Variants in TPM3 observed in about 807,000 individuals in gnomAD.
The protein encoded by TPM3 is tropomyosin alpha-3 chain.
A neutral mutation model predicts 43.1 loss-of-function variants in TPM3; 16 were observed. The observed-to-expected ratio is 0.37, with a 90% CI of 0.25 to 0.56. The LOEUF (loss-of-function observed/expected upper bound fraction) is 0.56, where lower values mean the gene tolerates loss of function less well. TPM3 is among the 20% of genes least tolerant of loss of function. The pLI is 0.77. For missense variants in TPM3, 176 were observed against 337.2 expected (o/e 0.52, Z 3.74); for synonymous variants, 101 against 116.9 (o/e 0.86, Z 0.88).
chr1:154,178,985 G>C (rs1662651388), intron 2 of TPM3, among the ~76,000 whole-genome samples: 1 of 152,172 alleles, frequency 6.6e-6, no homozygotes, highest in Non-Finnish European at 1.5e-5. Context: ...AACCCCTCCA[G>C]GCAAGAAACT....
chr1:154,191,278 G>C lies in TPM3; in HGVS notation c.151C>G (p.Leu51Val). 6.2e-7 allele frequency: 1 copy of C among 1,614,082 alleles called. No homozygotes were observed. The highest frequency in any genetic ancestry group is 8.5e-7 in the Non-Finnish European group (1 of 1,180,026). Reference sequence around the variant, plus strand: ...TCCAGCTCATCCTCTGTCCCTTTCAGCTTCTTCTGCATGGCTGCCAGCTCA... The same window carrying C: ...TCCAGCTCATCCTCTGTCCCTTTCACCTTCTTCTGCATGGCTGCCAGCTCA... ...EDELAAMQKK[L>V]KGTEDELDKY... The change falls in exon 2 of 10, where the codon CTG (leucine) becomes GTG (valine). Residue 51 changes from leucine (L) to valine (V), a missense_variant. Physicochemically the swap from Leu to Val is conservative, Grantham distance 32. Around this residue, in one of 4 missense-constraint regions of TPM3, gnomAD observed 82 missense variants for 148.8 expected, o/e 0.55. Transcript: ENST00000651641.
intron 9 of TPM3, among the ~76,000 whole-genome samples, chr1:154,168,994 C>T (rs1032425550): frequency 1.3e-5 from 2 of 151,042 alleles, no homozygotes; most frequent in African/African-American, 4.9e-5. Flanking sequence ...TGCCACCATG[C>T]CTGGCTACTT....
At chr1:154,159,343 T>C (rs564888401), downstream of TPM3, among the ~76,000 whole-genome samples, 1 of 152,258 alleles carries the variant, frequency 6.6e-6, no homozygotes, top group Admixed American at 6.5e-5. Context: ...ATTCCCTGGG[T>C]TGAGAAACTG....
intron 2 of TPM3, among the ~76,000 whole-genome samples, chr1:154,185,482 G>C (rs1044436641): frequency 2.7e-5 from 4 of 150,724 alleles, no homozygotes; most frequent in African/African-American, 5.0e-5. Context: ...AGGAGTTCAA[G>C]ACCAGCCTGG....
chr1:154,179,208 C>T (rs113592886), intron 2 of TPM3, among the ~76,000 whole-genome samples: 14 of 152,312 alleles, frequency 9.2e-5, no homozygotes, highest in African/African-American at 3.4e-4. Context: ...AGGGAGATAC[C>T]GTGTCCTTGG....
downstream of TPM3, among the ~76,000 whole-genome samples, chr1:154,161,224 T>C (rs193292853): frequency 6.6e-6 from 1 of 151,048 alleles, no homozygotes; most frequent in Admixed American, 6.6e-5. Context: ...ACTAATGGTA[T>C]ATAAGCTTCA....
rs1660782205 is a variant in TPM3 at position 154,164,955 on chromosome 1, CTCCAAGTAAAATTA to C, written c.*2968_*2981del. Reference sequence around the variant, plus strand: ...AAATCTCCAGTGGCATCCCCATTAACTCCAAGTAAAATTATAACTCCTCAGCCTCATTTTAAGAC... The same window carrying C: ...AAATCTCCAGTGGCATCCCCATTAACTAACTCCTCAGCCTCATTTTAAGAC... On this transcript the variant is annotated 3_prime_UTR_variant, in exon 10 of 10. Coordinates refer to ENST00000651641, the MANE Select transcript of TPM3 (RefSeq NM_152263.4). Among the ~76,000 whole-genome samples, 1 of 152,196 alleles carries C rather than the reference CTCCAAGTAAAATTA, an allele frequency of 6.6e-6. No individual in the cohort carries two copies. The highest frequency in any genetic ancestry group is 2.4e-5 in the African/African-American group (1 of 41,444).
chr1:154,159,187 T>C, downstream of TPM3: 1 of 674,238 alleles, frequency 1.5e-6, no homozygotes, highest in Non-Finnish European at 2.7e-6. Context: ...AACATGCATC[T>C]GTAAGGCAGG....
At chr1:154,184,086 G>A (rs1219126198) in intron 2 of TPM3, among the ~76,000 whole-genome samples, 3 of 151,624 alleles carry the variant, frequency 2.0e-5, no homozygotes, top group Non-Finnish European at 4.4e-5. Context: ...CTCCTCTGTC[G>A]CCCAGGTTGG....
chr1:154,187,633 TAGAC>T (rs1171239777), intron 2 of TPM3, among the ~76,000 whole-genome samples: 1 of 151,636 alleles, frequency 6.6e-6, no homozygotes, highest in Non-Finnish European at 1.5e-5. Flanking sequence ...CAGATTAAGA[TAGAC>T]AGAATTCATC....
At position 154,172,633 on chromosome 1, in the gene TPM3, A is replaced by G. The variant is rs78833491; in HGVS notation, c.566+275T>C. On this transcript the variant is annotated intron_variant, in intron 5 of 9. Transcript: ENST00000651641. ...GTGGAAGGACCCAGTAGGATCTTCC[A>G]ATTAACTGTTCACCATGTATTAGTC... The G allele has an allele frequency of 8.1e-4, 403 of 495,420 alleles. 4 individuals carry two copies. In the East Asian group the frequency reaches 0.016, roughly 20 times the overall value. The allele number at this position is 495,420 out of a possible 1,614,324, so 30.7% of individuals were successfully genotyped here. A position where few individuals can be genotyped will look rare whatever the true frequency, so the allele number is the denominator to read the frequency against.
chr1:154,183,172 G>A (rs185729761), intron 2 of TPM3: 2 of 1,596,302 alleles, frequency 1.3e-6, no homozygotes. Flanking sequence ...TCCGCTCGGC[G>A]TTGCAGCCTC....
Position 154,166,736 on chromosome 1 carries a change from C to G in TPM3, c.*1201G>C, listed in dbSNP as rs1484549257. On this transcript the variant is annotated 3_prime_UTR_variant, in exon 10 of 10. Transcript: ENST00000651641. Reference sequence around the variant, plus strand: ...TCTCTCTGTTGCCCAGGCTGGAATGCAGTGGCGCGATCTCCGCTCACTGCA... The same window carrying G: ...TCTCTCTGTTGCCCAGGCTGGAATGGAGTGGCGCGATCTCCGCTCACTGCA... 5 of 974,850 alleles carry G rather than the reference C, an allele frequency of 5.1e-6. No homozygotes were observed. Among genetic ancestry groups the G allele is most frequent in the Non-Finnish European group, 6.1e-6 (5 of 822,162 alleles). The allele number at this position is 974,850 out of a possible 1,614,324, so 60.4% of individuals were successfully genotyped here.
At position 154,167,648 on chromosome 1, in the gene TPM3, G is replaced by C; in HGVS notation, c.*289C>G. The C allele has an allele frequency of 1.5e-6, 2 of 1,298,442 alleles. No homozygotes were observed. Among genetic ancestry groups the C allele is most frequent in the Non-Finnish European group, 2.0e-6 (2 of 1,014,766 alleles). The allele number at this position is 1,298,442 out of a possible 1,614,324, so 80.4% of individuals were successfully genotyped here. A position where few individuals can be genotyped will look rare whatever the true frequency, so the allele number is the denominator to read the frequency against. ...CTTTGATTACATAAGTCAGAGGAGG[G>C]GGAGCCTACAATAGCTCTTCCCCAC... On this transcript the variant is annotated 3_prime_UTR_variant, in exon 10 of 10. Transcript: ENST00000651641.
At chr1:154,190,045 G>A (rs1364532616) in intron 2 of TPM3, among the ~76,000 whole-genome samples, 2 of 151,916 alleles carry the variant, frequency 1.3e-5, no homozygotes, top group Non-Finnish European at 2.9e-5. Flanking sequence ...GGGTTCAAGC[G>A]ATTCTCCTGC....
In TPM3 at chr1:154,167,908, G is replaced by C; in HGVS notation, c.*29C>G. On this transcript the variant is annotated 3_prime_UTR_variant, in exon 10 of 10. Coordinates refer to ENST00000651641, the MANE Select transcript of TPM3 (RefSeq NM_152263.4). The stretch of plus-strand genomic sequence containing the variant: ...GGTTCCCCGAGGAGTAAAGGGGGCA[G>C]ATCCAGAACAGAGCAGAAACGGTGA... The C allele has an allele frequency of 6.2e-7, 1 of 1,614,046 alleles. No individual in the cohort carries two copies. Among genetic ancestry groups the C allele is most frequent in the Non-Finnish European group, 8.5e-7 (1 of 1,179,982 alleles).
intron 2 of TPM3, among the ~76,000 whole-genome samples, chr1:154,186,215 G>A (rs1663405899): frequency 6.6e-6 from 1 of 151,554 alleles, no homozygotes; most frequent in African/African-American, 2.4e-5. Context: ...CTTTGTAGAA[G>A]TCTGATCAAG....
intron 2 of TPM3, among the ~76,000 whole-genome samples, chr1:154,185,184 CA>C (rs1451007341): frequency 6.6e-6 from 1 of 151,544 alleles, no homozygotes; most frequent in Non-Finnish European, 1.5e-5. Context: ...CCAGCCTGGC[CA>C]ACATGGCAAA....
chr1:154,171,625 A>C (rs1399653667), intron 5 of TPM3, 137 bp from the exon 6 acceptor site: 1 of 934,566 alleles, frequency 1.1e-6, no homozygotes, highest in Non-Finnish European at 1.7e-6. Context: ...GATGTTCCCA[A>C]GTAACCTGAG....
Sources: gnomAD v4.1 joint callset for allele counts (sites outside exome capture counted in the v4.1 genomes callset) on GRCh38, gnomAD v4.1.1 for gene constraint, gnomAD v4.1.1 regional missense constraint, MANE v1.5 for transcripts, NCBI Gene and HGNC (gene_info 2026-07-23, HGNC 2026-07-21) for gene names.